The following EML4 variants were observed in gnomAD, a reference collection of about 807,000 sequenced individuals.
EML4 encodes EMAP like 4.
In EML4, 72 loss-of-function variants were observed where a neutral mutation model predicts 129.0. The observed-to-expected ratio is 0.56, with a 90% CI of 0.46 to 0.68. The LOEUF (loss-of-function observed/expected upper bound fraction) is 0.68. EML4 is among the 30% of genes least tolerant of loss of function. The pLI is 0.00. For missense variants in EML4, 1,363 were observed against 1,190.6 expected (o/e 1.14, Z -2.13); for synonymous variants, 532 against 405.0 (o/e 1.31, Z -3.77).
intron 8 of EML4, among the ~76,000 whole-genome samples, chr2:42,284,342 G>A (rs766418248): frequency 6.6e-6 from 1 of 152,282 alleles, no homozygotes; most frequent in South Asian, 2.1e-4. Flanking sequence ...GCCATTGTGC[G>A]TGGACTAGAA....
intron 1 of EML4, among the ~76,000 whole-genome samples, chr2:42,205,320 C>A (rs771080745): frequency 1.3e-5 from 2 of 152,086 alleles, no homozygotes; most frequent in Admixed American, 1.3e-4. Context: ...CTAGTGTTGA[C>A]AGATCAACAC....
At chr2:42,293,217 C>A (rs999089053) in intron 11 of EML4, among the ~76,000 whole-genome samples, 1 of 151,710 alleles carries the variant, frequency 6.6e-6, no homozygotes, top group African/African-American at 2.4e-5. Flanking sequence ...CAAATGAATC[C>A]TCCAGCCTCA....
intron 1 of EML4, among the ~76,000 whole-genome samples, chr2:42,233,498 G>A (rs952475263): frequency 1.3e-4 from 19 of 151,322 alleles, no homozygotes; most frequent in Admixed American, 6.6e-4. Flanking sequence ...TAGTAGAGAC[G>A]GGGTTTCACC....
chr2:42,291,460 G>T (rs1276900086), intron 11 of EML4, among the ~76,000 whole-genome samples: 1 of 148,144 alleles, frequency 6.8e-6, no homozygotes, highest in Non-Finnish European at 1.5e-5. Context: ...GAGTGCAGTG[G>T]CATGATCTTG....
At chr2:42,187,866 A>C (rs975570563) in intron 1 of EML4, among the ~76,000 whole-genome samples, 1 of 151,984 alleles carries the variant, frequency 6.6e-6, no homozygotes, top group Non-Finnish European at 1.5e-5. Context: ...TTGATGTTCA[A>C]CTTATTTTTT....
chr2:42,283,577 A>G (rs1667131548), intron 8 of EML4, among the ~76,000 whole-genome samples: 1 of 152,020 alleles, frequency 6.6e-6, no homozygotes, highest in South Asian at 2.1e-4. Flanking sequence ...GACTGACTGG[A>G]TGTTTTCCAA....
chr2:42,247,246 A>C (rs1324520150), intron 2 of EML4, among the ~76,000 whole-genome samples: 1 of 152,010 alleles, frequency 6.6e-6, no homozygotes, highest in South Asian at 2.1e-4. Context: ...TAGCCCTGAT[A>C]ACTGTGAATA....
intron 1 of EML4, among the ~76,000 whole-genome samples, chr2:42,244,660 C>T (rs939014505): frequency 2.6e-5 from 4 of 151,934 alleles, no homozygotes; most frequent in Admixed American, 1.3e-4. Context: ...ATAGCAATAC[C>T]GAGTTCTGTG....
intron 5 of EML4, 65 bp from the exon 6 acceptor site, chr2:42,264,641 G>C (rs1270321017): frequency 9.0e-6 from 8 of 892,136 alleles, no homozygotes; most frequent in Non-Finnish European, 1.2e-5. Context: ...AGTTTCTTGA[G>C]GTGATTTTAA....
chr2:42,325,599 TATTTA>T, intron 20 of EML4, 45 bp downstream of exon 20: 1 of 124,284 alleles, frequency 8.0e-6, no homozygotes, highest in Non-Finnish European at 1.6e-5. Context: ...GCTATGATTA[TATTTA>T]TATATATATA....
intron 2 of EML4, among the ~76,000 whole-genome samples, chr2:42,249,962 A>G (rs956849364): frequency 6.6e-6 from 1 of 152,222 alleles, no homozygotes; most frequent in African/African-American, 2.4e-5. Flanking sequence ...AGCAAAAGGG[A>G]AGGCCCAGAG....
intron 1 of EML4, among the ~76,000 whole-genome samples, chr2:42,223,351 T>C (rs1673744037): frequency 6.6e-6 from 1 of 152,180 alleles, no homozygotes; most frequent in Non-Finnish European, 1.5e-5. Flanking sequence ...AGCCATTATT[T>C]GCTATCATTT....
intron 1 of EML4, among the ~76,000 whole-genome samples, chr2:42,174,821 G>T (rs10169492): frequency 0.13 from 18,905 of 150,838 alleles, 1,174 homozygotes; most frequent in East Asian, 0.18. Flanking sequence ...GTTTTTTTTT[G>T]TTTGTTTGTT....
intron 1 of EML4, among the ~76,000 whole-genome samples, chr2:42,241,928 A>T (rs571522922): frequency 1.3e-5 from 2 of 152,014 alleles, no homozygotes; most frequent in African/African-American, 2.4e-5. Flanking sequence ...AATGCAGGCA[A>T]TTGTTAACTT....
intron 6 of EML4, among the ~76,000 whole-genome samples, chr2:42,276,986 T>G (rs1161892436): frequency 1.3e-5 from 2 of 152,238 alleles, no homozygotes; most frequent in Non-Finnish European, 2.9e-5. Context: ...ACTTGGTTTC[T>G]TAGGCTGCTT....
In EML4 at chr2:42,331,630, G is replaced by A. The variant is rs1004983497; in HGVS notation, c.*1423G>A. ...GTTAAGAAGTCTTAAGTATGCAGGC[G>A]TTTACGTGATTGTGCCATTCCAAAG... is the stretch of plus-strand genomic sequence containing the variant. On this transcript the variant is annotated 3_prime_UTR_variant, in exon 23 of 23. Coordinates refer to ENST00000318522, the MANE Select transcript of EML4 (RefSeq NM_019063.5). 6 of 223,836 alleles carry A rather than the reference G, an allele frequency of 2.7e-5. No individual in the cohort carries two copies. The highest frequency in any genetic ancestry group is 1.3e-4 in the East Asian group (2 of 15,366). 13.9% of individuals were successfully genotyped at this position (223,836 alleles called of 1,614,324 possible).
intron 6 of EML4, among the ~76,000 whole-genome samples, chr2:42,272,578 C>T (rs1175490667): frequency 2.6e-5 from 4 of 152,066 alleles, no homozygotes; most frequent in Non-Finnish European, 5.9e-5. Flanking sequence ...CCACTGTGCC[C>T]GGCCTGGACA....
chr2:42,296,837 T>C (rs931092362), intron 13 of EML4, among the ~76,000 whole-genome samples: 5 of 152,230 alleles, frequency 3.3e-5, no homozygotes, highest in Non-Finnish European at 7.3e-5. Flanking sequence ...AGGACAGATA[T>C]TCAGATGCTC....
intron 13 of EML4, among the ~76,000 whole-genome samples, chr2:42,300,067 A>G (rs1013612121): frequency 6.6e-6 from 1 of 152,264 alleles, no homozygotes; most frequent in African/African-American, 2.4e-5. Flanking sequence ...TGGCTGAGTA[A>G]TATCACATTG....
Sources: allele counts gnomAD v4.1 joint callset (sites outside exome capture counted in the v4.1 genomes callset), GRCh38; gene constraint gnomAD v4.1.1; transcripts MANE v1.5; gene names NCBI Gene and HGNC (gene_info 2026-07-23, HGNC 2026-07-21).